Variants in G2E3 observed in about 807,000 individuals in gnomAD.
The protein encoded by G2E3 is G2/M-phase specific E3 ubiquitin protein ligase, also known as G2/M phase-specific E3 ubiquitin-protein ligase.
G2E3 carries 35 observed loss-of-function variants against 92.8 expected under a neutral mutation model. That is an observed-to-expected ratio of 0.38 (90% CI 0.29 to 0.50). G2E3 has a LOEUF of 0.50. Ranked by LOEUF, G2E3 falls within the 20% of genes least tolerant of loss-of-function variation. G2E3 has a pLI of 0.94. For synonymous variants in G2E3, 242 were observed against 272.4 expected (o/e 0.89, Z 1.10); for missense variants, 554 against 823.8 (o/e 0.67, Z 4.01).
At chr14:30,598,739 G>A in intron 8 of G2E3, 140 bp downstream of exon 8, 1 of 689,688 alleles carries the variant, frequency 1.4e-6, no homozygotes, top group East Asian at 2.6e-5. Context: ...ATTTTCTAAT[G>A]CACATTTACG....
intron 1 of G2E3, among the ~76,000 whole-genome samples, chr14:30,561,758 A>G (rs924402678): frequency 1.3e-5 from 2 of 151,994 alleles, no homozygotes; most frequent in Admixed American, 1.3e-4. Flanking sequence ...GAGTGTCATG[A>G]TACTCTGAAA....
intron 8 of G2E3, 45 bp downstream of exon 8, chr14:30,598,644 C>T (rs1881407896): frequency 1.7e-6 from 2 of 1,171,960 alleles, no homozygotes; most frequent in Non-Finnish European, 2.6e-6. Flanking sequence ...CTTGTTTAAA[C>T]CTTCTGCTGA....
chr14:30,564,304 G>A (rs1014784432), intron 1 of G2E3, among the ~76,000 whole-genome samples: 10 of 152,036 alleles, frequency 6.6e-5, no homozygotes, highest in South Asian at 2.1e-4. Context: ...GTGTACATTT[G>A]ACCTTTTTTT....
At chr14:30,591,352 T>G (rs373325801) in intron 4 of G2E3, among the ~76,000 whole-genome samples, 6 of 152,158 alleles carry the variant, frequency 3.9e-5, no homozygotes, top group Admixed American at 1.3e-4. Flanking sequence ...AATGATTGAT[T>G]CATTTAATAA....
chr14:30,565,213 C>G (rs1056342899), intron 1 of G2E3, among the ~76,000 whole-genome samples: 3 of 152,094 alleles, frequency 2.0e-5, no homozygotes, highest in African/African-American at 7.2e-5. Context: ...CTTTGATTTA[C>G]TTATCACTAA....
At position 30,577,394 on chromosome 14, in the gene G2E3, A is replaced by G. The variant is rs191301512; in HGVS notation, c.-4-3682A>G. On this transcript the variant is annotated intron_variant, in intron 1 of 14. Coordinates refer to ENST00000206595, the MANE Select transcript of G2E3 (RefSeq NM_017769.5). The stretch of plus-strand genomic sequence containing the variant: ...CTCCAGAACTTGCTGGTTTTAAACA[A>G]TAAACATTTAATTACTGATAGTTTC... 1.4e-4 allele frequency among the ~76,000 whole-genome samples: 22 copies of G among 152,288 alleles called. No individual in the cohort carries two copies. In the East Asian group the frequency reaches 4.2e-3, roughly 29 times the overall value.
chr14:30,607,857 G>A (rs749414706), intron 11 of G2E3, 31 bp from the exon 12 acceptor site: 2 of 1,196,358 alleles, frequency 1.7e-6, no homozygotes, highest in African/African-American at 1.6e-5. Flanking sequence ...TAATAGAAGT[G>A]TATTTGATAT....
intron 12 of G2E3, among the ~76,000 whole-genome samples, chr14:30,610,549 G>A (rs1406311160): frequency 6.6e-6 from 1 of 152,208 alleles, no homozygotes; most frequent in East Asian, 1.9e-4. Context: ...GTGGCAGTGA[G>A]CCGGGATCAT....
At position 30,605,521 on chromosome 14, in the gene G2E3, A is replaced by C; in HGVS notation, c.1027A>C (p.Arg343=). Residue 343 remains arginine, a synonymous_variant, in exon 11 of 15, where the codon AGA becomes CGA. Coordinates refer to ENST00000206595, the MANE Select transcript of G2E3 (RefSeq NM_017769.5). ...KDLLRQGSKF[R]RNVSTLLIEL... is the part of the protein sequence containing the mutation. ...GTTTTATAGGCAAGGCAGCAAATTT[A>C]GAAGAAATGTATCAACACTATTAAT... 1 of 1,371,822 alleles carries C rather than the reference A, an allele frequency of 7.3e-7. No individual in the cohort carries two copies. Among genetic ancestry groups the C allele is most frequent in the Non-Finnish European group, 1.0e-6 (1 of 994,370 alleles). The allele number at this position is 1,371,822 out of a possible 1,614,324, so 85.0% of individuals were successfully genotyped here.
chr14:30,574,224 T>G (rs1373130219), intron 1 of G2E3, among the ~76,000 whole-genome samples: 1 of 152,042 alleles, frequency 6.6e-6, no homozygotes, highest in Non-Finnish European at 1.5e-5. Context: ...CTAAGAACAG[T>G]GATAGTCTAC....
At chr14:30,560,756 A>T (rs1879047009) in intron 1 of G2E3, 1 of 701,482 alleles carries the variant, frequency 1.4e-6, no homozygotes, top group Admixed American at 2.0e-5. Context: ...TTTGTTCAAC[A>T]ATGCTGATTC....
chr14:30,593,384 T>C, intron 5 of G2E3, 90 bp from the exon 6 acceptor site: 2 of 638,556 alleles, frequency 3.1e-6, no homozygotes, highest in Non-Finnish European at 5.4e-6. Flanking sequence ...CAGACACAAA[T>C]GAATTTCATT....
rs751508152 is a variant in G2E3, at chr14:30,605,505, G to T, written c.1011G>T (p.Arg337Ser). The T allele has an allele frequency of 6.3e-6, 8 of 1,263,964 alleles. No individual in the cohort carries two copies. Among genetic ancestry groups the T allele is most frequent in the Non-Finnish European group, 8.8e-6 (8 of 904,670 alleles). The allele number at this position is 1,263,964 out of a possible 1,614,324, so 78.3% of individuals were successfully genotyped here. ...CTATATTTAAATTCATGTTTTATAG[G>T]CAAGGCAGCAAATTTAGAAGAAATG... ...SPGSQSKDLLRQGSKFRRNVS... is the reference protein window; with the variant it reads ...SPGSQSKDLLSQGSKFRRNVS... The change falls in exon 11 of 15, where the codon AGG becomes AGT. Residue 337 changes from arginine to serine, a missense_variant and splice_region_variant. Physicochemically the swap from Arg to Ser is moderately radical, Grantham distance 110. Around this residue, in one of 3 missense-constraint regions of G2E3, gnomAD observed 397 missense variants for 560.3 expected, o/e 0.71. Transcript: ENST00000206595.
chr14:30,592,241 A>C (rs1881051541), intron 4 of G2E3, 82 bp from the exon 5 acceptor site: 1 of 1,178,828 alleles, frequency 8.5e-7, no homozygotes, highest in Non-Finnish European at 1.3e-6. Context: ...ATTCCCCACC[A>C]GGAGTATTTA....
intron 10 of G2E3, among the ~76,000 whole-genome samples, chr14:30,605,270 A>G (rs574901971): frequency 5.1e-4 from 78 of 152,306 alleles, no homozygotes; most frequent in African/African-American, 1.7e-3. Context: ...TTTCTTGTAC[A>G]TGATTCTAAT....
rs868616619 is a variant in G2E3, at chr14:30,616,012, A to T, written c.1865-266A>T. On this transcript the variant is annotated intron_variant, in intron 14 of 14. Transcript: ENST00000206595. ...TGTTTAGCTAGATTTTTGGTTTTTTACCGTTTAGTCTTTCTGTCTGTATTT... is the reference window on the plus strand; with the variant it reads ...TGTTTAGCTAGATTTTTGGTTTTTTTCCGTTTAGTCTTTCTGTCTGTATTT... Among the ~76,000 whole-genome samples, 13 of 152,182 alleles carry T rather than the reference A, an allele frequency of 8.5e-5. No homozygotes were observed. In the South Asian group the frequency reaches 1.2e-3, roughly 15 times the overall value.
rs779858002 is a variant in G2E3, at chr14:30,586,767, AAAG to A, written c.90_92del (p.Lys31del). 11 of 1,447,092 alleles carry A rather than the reference AAAG, an allele frequency of 7.6e-6. No homozygotes were observed. The highest frequency in any genetic ancestry group is 9.4e-6 in the Non-Finnish European group (10 of 1,060,178). The allele number at this position is 1,447,092 out of a possible 1,614,324, so 89.6% of individuals were successfully genotyped here. On this transcript the variant is annotated inframe_deletion, in exon 3 of 15. Coordinates refer to ENST00000206595, the MANE Select transcript of G2E3 (RefSeq NM_017769.5). ...ATGACTGTCCTAATAAATACGGAGA[AAAG>A]AAAACTAAGGAGAAATGGAATCTCA...
chr14:30,595,826 G>C (rs904559960), intron 6 of G2E3, among the ~76,000 whole-genome samples: 3 of 152,142 alleles, frequency 2.0e-5, no homozygotes, highest in African/African-American at 7.2e-5. Context: ...TATACATTGG[G>C]ATTTTGGGAG....
At chr14:30,601,009 G>GAC (rs1566545856) in intron 8 of G2E3, among the ~76,000 whole-genome samples, 1 of 152,184 alleles carries the variant, frequency 6.6e-6, no homozygotes, top group African/African-American at 2.4e-5. Context: ...ACTGGGCAGA[G>GAC]ACACACACAT....
Sources: allele counts gnomAD v4.1 joint callset (sites outside exome capture counted in the v4.1 genomes callset), GRCh38; gene constraint gnomAD v4.1.1; regional missense constraint gnomAD v4.1.1; transcripts MANE v1.5; gene names NCBI Gene and HGNC (gene_info 2026-07-23, HGNC 2026-07-21).